ERC2: variants seen among roughly 807,000 people sequenced by gnomAD.
ERC2 encodes the protein ELKS/RAB6-interacting/CAST family member 2.
Under a neutral mutation model 114.8 loss-of-function variants are expected in ERC2, and 42 were observed. That is an observed-to-expected ratio of 0.37 (90% confidence interval 0.29 to 0.47). The LOEUF (loss-of-function observed/expected upper bound fraction) is 0.47, where lower values mean the gene tolerates loss of function less well. Ranked by LOEUF, ERC2 falls within the 20% of genes least tolerant of loss-of-function variation. The probability of loss-of-function intolerance (pLI) is 0.99; values close to 1 mark genes in which losing one functional copy is unlikely to be tolerated. For synonymous variants in ERC2, 454 were observed against 425.5 expected (o/e 1.07, Z -0.82); for missense variants, 939 against 1,150.7 (o/e 0.82, Z 2.66).
chr3:55,936,833 A>T (rs1576275847), intron 13 of ERC2, among the ~76,000 whole-genome samples: 1 of 152,190 alleles, frequency 6.6e-6, no homozygotes, highest in African/African-American at 2.4e-5. Context: ...ACATGACATC[A>T]TCAGCATCCT....
At chr3:55,538,931 G>A (rs74581218) in intron 17 of ERC2, among the ~76,000 whole-genome samples, 150 of 152,170 alleles carry the variant, frequency 9.9e-4, no homozygotes, top group Non-Finnish European at 1.7e-3. Context: ...TGAAGCCAAC[G>A]GAGAGTTTTG....
chr3:56,041,794 C>T (rs2075207008), intron 7 of ERC2, among the ~76,000 whole-genome samples: 1 of 152,144 alleles, frequency 6.6e-6, no homozygotes, highest in Non-Finnish European at 1.5e-5. Flanking sequence ...TTCTTCTTTA[C>T]TACCTGTCAA....
At chr3:55,843,082 T>A (rs1240583451) in intron 14 of ERC2, among the ~76,000 whole-genome samples, 1 of 152,144 alleles carries the variant, frequency 6.6e-6, no homozygotes, top group East Asian at 1.9e-4. Context: ...AACACTAAAT[T>A]TTCCATTTCC....
intron 3 of ERC2, among the ~76,000 whole-genome samples, chr3:56,287,570 T>C (rs2054805434): frequency 6.6e-6 from 1 of 152,232 alleles, no homozygotes; most frequent in Non-Finnish European, 1.5e-5. Context: ...TCTGATAAGA[T>C]GTGGCAAGAA....
intron 2 of ERC2, 145 bp from the exon 3 acceptor site, chr3:56,296,580 G>C: frequency 1.3e-6 from 1 of 785,724 alleles, no homozygotes; most frequent in Non-Finnish European, 2.0e-6. Context: ...CCTCCACGGT[G>C]ACTTCAGAAG....
intron 14 of ERC2, among the ~76,000 whole-genome samples, chr3:55,776,617 G>A (rs1254822978): frequency 6.6e-6 from 1 of 152,310 alleles, no homozygotes; most frequent in East Asian, 1.9e-4. Flanking sequence ...AAGGGGCTGG[G>A]AAGGGTCAAG....
At chr3:56,444,480 A>G (rs1241535214) in intron 1 of ERC2, among the ~76,000 whole-genome samples, 1 of 152,214 alleles carries the variant, frequency 6.6e-6, no homozygotes, top group Non-Finnish European at 1.5e-5. Flanking sequence ...TATGGCTCAA[A>G]CAAAATAAAA....
At chr3:56,197,951 TC>T (rs1430125009) in intron 3 of ERC2, among the ~76,000 whole-genome samples, 1 of 152,198 alleles carries the variant, frequency 6.6e-6, no homozygotes, top group African/African-American at 2.4e-5. Context: ...ACTGATCAAT[TC>T]CTGGAACCTA....
intron 3 of ERC2, among the ~76,000 whole-genome samples, chr3:56,249,950 C>T (rs1314413258): frequency 3.3e-5 from 5 of 151,264 alleles, no homozygotes; most frequent in Non-Finnish European, 4.4e-5. Flanking sequence ...CTCCACCTCC[C>T]GGGTTCAAGC....
rs113061510 is a variant in ERC2, at chr3:56,044,655, C to T, written c.1642-25624G>A. ...ATTTAAGAAATAATAGGATAAAATA[C>T]TCATATTGCAGAAAATTTCCTCTTA... is the stretch of plus-strand genomic sequence containing the variant. On this transcript the variant is annotated intron_variant, in intron 7 of 17. Coordinates refer to ENST00000288221, the MANE Select transcript of ERC2 (RefSeq NM_015576.3). 1.9e-3 allele frequency among the ~76,000 whole-genome samples: 292 copies of T among 152,106 alleles called. 1 individual carries two copies. Among genetic ancestry groups the T allele is most frequent in the African/African-American group, 6.8e-3 (283 of 41,490 alleles).
chr3:56,240,982 C>T (rs2051284808), intron 3 of ERC2, among the ~76,000 whole-genome samples: 1 of 152,090 alleles, frequency 6.6e-6, no homozygotes, highest in Non-Finnish European at 1.5e-5. Context: ...CTTTCCTCTC[C>T]CCCATTTTGG....
chr3:55,857,699 A>G (rs951280583), intron 14 of ERC2, among the ~76,000 whole-genome samples: 2 of 152,226 alleles, frequency 1.3e-5, no homozygotes, highest in African/African-American at 4.8e-5. Flanking sequence ...ATTGTTTTAC[A>G]TAGGCTACTC....
chr3:56,429,019 C>T (rs553028435), intron 2 of ERC2, among the ~76,000 whole-genome samples: 3 of 152,182 alleles, frequency 2.0e-5, no homozygotes, highest in South Asian at 4.2e-4. Context: ...GGAAGAAATC[C>T]GTTAGAAATA....
At chr3:56,332,908 GAA>G (rs2057689949) in intron 2 of ERC2, among the ~76,000 whole-genome samples, 1 of 152,120 alleles carries the variant, frequency 6.6e-6, no homozygotes, top group Non-Finnish European at 1.5e-5. Context: ...AGCCAGAGAA[GAA>G]AAGGGGGGAA....
chr3:56,066,502 G>A (rs2149718410), intron 7 of ERC2, among the ~76,000 whole-genome samples: 1 of 152,232 alleles, frequency 6.6e-6, no homozygotes, highest in South Asian at 2.1e-4. Flanking sequence ...CATTCTGTAG[G>A]TTGTCTGTTC....
At chr3:55,614,408 A>T (rs766936882) in intron 17 of ERC2, among the ~76,000 whole-genome samples, 1 of 152,142 alleles carries the variant, frequency 6.6e-6, no homozygotes, top group African/African-American at 2.4e-5. Context: ...GGAGAGAAAG[A>T]CATCCCAGCC....
chr3:55,570,279 C>G (rs1351886084), intron 17 of ERC2, among the ~76,000 whole-genome samples: 1 of 151,994 alleles, frequency 6.6e-6, no homozygotes, highest in Non-Finnish European at 1.5e-5. Context: ...ACTTCTGGTC[C>G]CAGCTCAGTC....
intron 3 of ERC2, among the ~76,000 whole-genome samples, chr3:56,193,240 G>T (rs2150074313): frequency 6.6e-6 from 1 of 152,256 alleles, no homozygotes; most frequent in Non-Finnish European, 1.5e-5. Context: ...ATCAAACTGT[G>T]TGCTGGCTCA....
chr3:55,639,777 C>T (rs951203206), intron 17 of ERC2, among the ~76,000 whole-genome samples: 10 of 152,160 alleles, frequency 6.6e-5, no homozygotes, highest in Admixed American at 2.6e-4. Context: ...GGTATGTGTG[C>T]GTGTGGGCAC....
Sources: allele counts gnomAD v4.1 joint callset (sites outside exome capture counted in the v4.1 genomes callset), GRCh38; gene constraint gnomAD v4.1.1; transcripts MANE v1.5; gene names NCBI Gene and HGNC (gene_info 2026-07-23, HGNC 2026-07-21).